GRIN2C: variants seen among roughly 807,000 people sequenced by gnomAD.
GRIN2C encodes the protein glutamate receptor ionotropic, NMDA 2C.
A neutral mutation model predicts 77.7 loss-of-function variants in GRIN2C; 64 were observed. That is an observed-to-expected ratio of 0.82 (90% CI 0.67 to 1.01). The LOEUF (loss-of-function observed/expected upper bound fraction) is 1.01. Among genes scored for constraint, GRIN2C ranks in the 50% least tolerant of loss-of-function variants. The probability of loss-of-function intolerance (pLI) is 0.00; values close to 1 mark genes in which losing one functional copy is unlikely to be tolerated. For synonymous variants in GRIN2C, 792 were observed against 643.4 expected (o/e 1.23, Z -3.49); for missense variants, 1,549 against 1,486.0 (o/e 1.04, Z -0.70).
rs948691051 is a variant in GRIN2C at position 74,847,196 on chromosome 17, C to T, written c.2001+112G>A. 1.1e-6 allele frequency: 1 copy of T among 889,686 alleles called. No individual in the cohort carries two copies. Among genetic ancestry groups the T allele is most frequent in the South Asian group, 1.6e-5 (1 of 63,510 alleles). 55.1% of individuals were successfully genotyped at this position (889,686 alleles called of 1,614,324 possible). The stretch of plus-strand genomic sequence containing the variant: ...CAGCAGGCCCTGAAGCTTCTTCCTG[C>T]CCCAGCCTCCAGGTCAAATTCCCCA... On this transcript the variant is annotated intron_variant, in intron 9 of 12. Coordinates refer to ENST00000293190, the MANE Select transcript of GRIN2C (RefSeq NM_000835.6). This position sits in a 1 kb window ranked among gnomAD's most constrained non-coding sequence, Gnocchi z 5.2.
chr17:74,861,107 C>A (rs887460272), upstream of GRIN2C, among the ~76,000 whole-genome samples: 1 of 152,192 alleles, frequency 6.6e-6, no homozygotes, highest in Admixed American at 6.5e-5. Context: ...CCGCGCCAAG[C>A]GAAGGAGGAG....
In GRIN2C at chr17:74,842,499, C is replaced by G; in HGVS notation, c.3638G>C (p.Gly1213Ala). The change falls in exon 13 of 13, where the codon GGG becomes GCG. Residue 1213 changes from glycine to alanine, a missense_variant. By Grantham distance (60) the Gly-to-Ala change is moderately conservative. Transcript: ENST00000293190. ...GLDEISRVAR[G>A]TQGFPGPCTW... ...GCAGGGTCCCGGGAAGCCTTGCGTC[C>G]CACGGGCTACCCTGCTGATCTCGTC... The G allele has an allele frequency of 1.3e-6, 1 of 779,182 alleles. No homozygotes were observed. Among genetic ancestry groups the G allele is most frequent in the Non-Finnish European group, 2.4e-6 (1 of 417,770 alleles). 48.3% of individuals were successfully genotyped at this position (779,182 alleles called of 1,614,324 possible). A position where few individuals can be genotyped will look rare whatever the true frequency, so the allele number is the denominator to read the frequency against.
intron 1 of GRIN2C, among the ~76,000 whole-genome samples, chr17:74,858,716 G>C (rs1458863024): frequency 6.7e-6 from 1 of 149,220 alleles, no homozygotes; most frequent in Non-Finnish European, 1.5e-5. Flanking sequence ...CACAAATGAA[G>C]TCCAGACAGC....
In GRIN2C at chr17:74,849,879, G is replaced by A. The variant is rs554530958; in HGVS notation, c.1546C>T (p.Arg516Cys). ...ACAGAGAAGTCTACGATCTCGGAGC[G>A]TTCCTCATTGATGGTGAGGGAGCCG... ...AIGSLTINEE[R>C]SEIVDFSVPF... Residue 516 changes from arginine to cysteine, a missense_variant, in exon 7 of 13, where the codon CGC (arginine) becomes TGC (cysteine). Around this residue, in one of 3 missense-constraint regions of GRIN2C, gnomAD observed 717 missense variants for 858.1 expected, o/e 0.84. Coordinates refer to ENST00000293190, the MANE Select transcript of GRIN2C (RefSeq NM_000835.6). This position sits in a 1 kb window ranked among gnomAD's most constrained non-coding sequence, Gnocchi z 4.6. The A allele has an allele frequency of 2.4e-5, 38 of 1,613,514 alleles. No homozygotes were observed. The highest frequency in any genetic ancestry group is 3.3e-5 in the Admixed American group (2 of 59,848).
Position 74,847,272 on chromosome 17 carries a change from G to GCCCCCCCCCCCCCCCCC in GRIN2C, c.2001+35_2001+36insGGGGGGGGGGGGGGGGG. ...CTCACGGCCTGTCCCCACCCTCAGTGCCCCCCCCCACCCCCAGCAGCTATG... is the reference window on the plus strand; with the variant it reads ...CTCACGGCCTGTCCCCACCCTCAGTGCCCCCCCCCCCCCCCCCCCCCCCCCCACCCCCAGCAGCTATG... On this transcript the variant is annotated intron_variant, in intron 9 of 12. Coordinates refer to ENST00000293190, the MANE Select transcript of GRIN2C (RefSeq NM_000835.6). The surrounding 1 kb of genome is among the most constrained non-coding windows in gnomAD (Gnocchi z 5.2). 1 of 692,326 alleles carries GCCCCCCCCCCCCCCCCC rather than the reference G, an allele frequency of 1.4e-6. No homozygotes were observed. Among genetic ancestry groups the GCCCCCCCCCCCCCCCCC allele is most frequent in the East Asian group, 3.1e-5 (1 of 32,196 alleles). The allele number at this position is 692,326 out of a possible 1,614,324, so 42.9% of individuals were successfully genotyped here. A position where few individuals can be genotyped will look rare whatever the true frequency, so the allele number is the denominator to read the frequency against.
At chr17:74,858,923 C>T (rs1037086981) in intron 1 of GRIN2C, among the ~76,000 whole-genome samples, 9 of 152,082 alleles carry the variant, frequency 5.9e-5, no homozygotes, top group Non-Finnish European at 7.4e-5. Context: ...CAGCTGAAAT[C>T]CCTCTCCCAC....
rs1306735274 is a variant in GRIN2C, at chr17:74,842,516, G to A, written c.3621C>T (p.Ile1207=). The A allele has an allele frequency of 3.9e-6, 3 of 779,190 alleles. No individual in the cohort carries two copies. Among genetic ancestry groups the A allele is most frequent in the Admixed American group, 3.4e-5 (2 of 58,964 alleles). The allele number at this position is 779,190 out of a possible 1,614,324, so 48.3% of individuals were successfully genotyped here. A position where few individuals can be genotyped will look rare whatever the true frequency, so the allele number is the denominator to read the frequency against. The change falls in exon 13 of 13, where the codon ATC becomes ATT. Residue 1207 remains isoleucine, a synonymous_variant. Transcript: ENST00000293190. ...GYRDSGGLDE[I]SRVARGTQGF... is the part of the protein sequence containing the mutation. ...CTTGCGTCCCACGGGCTACCCTGCT[G>A]ATCTCGTCCAGTCCCCCACTGTCTC...
Position 74,842,953 on chromosome 17 carries a change from G to C in GRIN2C, c.3184C>G (p.Arg1062Gly), listed in dbSNP as rs1317018665. Residue 1062 changes from arginine (R) to glycine (G), a missense_variant, in exon 13 of 13, where the codon CGG (arginine) becomes GGG (glycine). Arg to Gly is a moderately radical substitution (Grantham distance 125). Coordinates refer to ENST00000293190, the MANE Select transcript of GRIN2C (RefSeq NM_000835.6). Reference protein sequence around the residue: ...LPLLGPEQLARREALLHAAWA... With the variant: ...LPLLGPEQLAGREALLHAAWA... ...GCCGCGTGCAGCAGGGCCTCCCGCC[G>C]GGCCAGCTGCTCCGGACCGAGCAGC... The C allele has an allele frequency of 1.8e-6, 1 of 551,826 alleles. No homozygotes were observed. Among genetic ancestry groups the C allele is most frequent in the Non-Finnish European group, 3.2e-6 (1 of 314,832 alleles). 34.2% of individuals were successfully genotyped at this position (551,826 alleles called of 1,614,324 possible). A position where few individuals can be genotyped will look rare whatever the true frequency, so the allele number is the denominator to read the frequency against.
At chr17:74,857,653 G>A (rs533530196) in intron 1 of GRIN2C, among the ~76,000 whole-genome samples, 1 of 152,276 alleles carries the variant, frequency 6.6e-6, no homozygotes, top group East Asian at 1.9e-4. Flanking sequence ...GGTCCTAGAG[G>A]TTCCTTGCCC....
chr17:74,861,513 G>A (rs2037956160), upstream of GRIN2C: 1 of 151,414 alleles, frequency 6.6e-6, no homozygotes. Flanking sequence ...CGGCCCCGGA[G>A]GGCTGGCGCG....
chr17:74,859,883 TGCG>T (rs71157101), exon 1 of GRIN2C: 10,607 of 164,436 alleles, frequency 0.065, 381 homozygotes, highest in Non-Finnish European at 0.08. The surrounding 1 kb of genome is among the most constrained non-coding windows in gnomAD (Gnocchi z 5.9). Context: ...ACACTCGCGA[TGCG>T]GCGGCGGCGG....
At position 74,854,918 on chromosome 17, in the gene GRIN2C, G is replaced by A. The variant is rs549726783; in HGVS notation, c.175C>T (p.Pro59Ser). ...ACTGTGAGCGGCTGGATCTCCAGGG[G>A]TAGGTCCAGGAAGCTCTGGGGGGTG... The part of the protein sequence containing the change: ...RLTPQSFLDL[P>S]LEIQPLTVGV... The change falls in exon 2 of 13, where the codon CCC becomes TCC. Residue 59 changes from proline to serine, a missense_variant. Pro to Ser is a moderately conservative substitution (Grantham distance 74). Transcript: ENST00000293190. 3 of 1,613,646 alleles carry A rather than the reference G, an allele frequency of 1.9e-6. No homozygotes were observed. The highest frequency in any genetic ancestry group is 2.5e-6 in the Non-Finnish European group (3 of 1,179,838).
At chr17:74,851,958 G>C in intron 3 of GRIN2C, 55 bp downstream of exon 3, 3 of 1,352,152 alleles carry the variant, frequency 2.2e-6, no homozygotes, top group Non-Finnish European at 2.0e-6. Context: ...CTGCCAGCCA[G>C]CTCCCCCGAA....
chr17:74,851,995 C>T lies in GRIN2C; in HGVS notation c.998+18G>A. The stretch of plus-strand genomic sequence containing the variant: ...CGCTCCCCACCTCCCTACCCCTATG[C>T]CCCGGGCAGGTGCCCACCTGTAGAA... On this transcript the variant is annotated intron_variant, in intron 3 of 12. Coordinates refer to ENST00000293190, the MANE Select transcript of GRIN2C (RefSeq NM_000835.6). 1 of 1,462,446 alleles carries T rather than the reference C, an allele frequency of 6.8e-7. No individual in the cohort carries two copies. Among genetic ancestry groups the T allele is most frequent in the South Asian group, 1.5e-5 (1 of 67,944 alleles). The allele number at this position is 1,462,446 out of a possible 1,614,324, so 90.6% of individuals were successfully genotyped here.
Position 74,842,907 on chromosome 17 carries a change from G to A in GRIN2C, c.3230C>T (p.Pro1077Leu), listed in dbSNP as rs1598467991. Residue 1077 changes from proline to leucine, a missense_variant, in exon 13 of 13, where the codon CCG (proline) becomes CTG (leucine). Around this residue, in one of 3 missense-constraint regions of GRIN2C, gnomAD observed 450 missense variants for 267.9 expected, o/e 1.68. Coordinates refer to ENST00000293190, the MANE Select transcript of GRIN2C (RefSeq NM_000835.6). ...LHAAWARGSR[P>L]RHASLPSSVA... is the part of the protein sequence containing the mutation. Reference sequence around the variant, plus strand: ...GGAGCTGGGCAGGGAAGCGTGACGCGGGCGCGAGCCCCGGGCCCAGGCCGC... The same window carrying A: ...GGAGCTGGGCAGGGAAGCGTGACGCAGGCGCGAGCCCCGGGCCCAGGCCGC... 1 of 570,430 alleles carries A rather than the reference G, an allele frequency of 1.8e-6. No individual in the cohort carries two copies. Among genetic ancestry groups the A allele is most frequent in the Non-Finnish European group, 3.1e-6 (1 of 324,790 alleles). 35.3% of individuals were successfully genotyped at this position (570,430 alleles called of 1,614,324 possible).
In GRIN2C at chr17:74,852,255, C is replaced by T; in HGVS notation, c.756G>A (p.Trp252Ter). Residue 252 changes from tryptophan to a stop codon, truncating the protein, a stop_gained, in exon 3 of 13, where the codon TGG (tryptophan) becomes TGA (stop). Transcript: ENST00000293190. LOFTEE classifies it high-confidence loss of function. ...QAGLVGPGHV[W>*]LVPNLALGST... ...TGCCCAGCGCCAGGTTGGGCACCAG[C>T]CACACGTGGCCGGGCCCCACCAGAC... 2 of 1,399,616 alleles carry T rather than the reference C, an allele frequency of 1.4e-6. No homozygotes were observed. Among genetic ancestry groups the T allele is most frequent in the Non-Finnish European group, 1.8e-6 (2 of 1,081,720 alleles). 86.7% of individuals were successfully genotyped at this position (1,399,616 alleles called of 1,614,324 possible).
At chr17:74,851,932 G>A in intron 3 of GRIN2C, 81 bp downstream of exon 3, 1 of 1,110,134 alleles carries the variant, frequency 9.0e-7, no homozygotes, top group Non-Finnish European at 1.3e-6. Context: ...AGGTGTGGCT[G>A]GCCAGCCCAA....
Position 74,854,835 on chromosome 17 carries a change from A to C in GRIN2C, c.258T>G (p.Gly86=). 1 of 1,613,722 alleles carries C rather than the reference A, an allele frequency of 6.2e-7. No homozygotes were observed. Among genetic ancestry groups the C allele is most frequent in the African/African-American group, 1.3e-5 (1 of 75,040 alleles). The change falls in exon 2 of 13, where the codon GGT becomes GGG. Residue 86 remains glycine, a synonymous_variant. Coordinates refer to ENST00000293190, the MANE Select transcript of GRIN2C (RefSeq NM_000835.6). ...AGACAATGCCGTGGACGTGGGCAGC[A>C]CCCAGGAGGCCGCAGATCTGGGTGA... The part of the protein sequence containing the change: ...SLLTQICGLL[G]AAHVHGIVFE...
rs1231641275 is a variant in GRIN2C, at chr17:74,848,044, G to A, written c.1646-67C>T. 6.4e-6 allele frequency: 10 copies of A among 1,573,814 alleles called. No individual in the cohort carries two copies. The Admixed American group carries it at 1.7e-4, about 26-fold the overall frequency. ...CCTGCCCCAGGCCCAGAAGCACTGG[G>A]TGGAGACAGGTAGGTCCACGTGATC... On this transcript the variant is annotated intron_variant, in intron 7 of 12. Coordinates refer to ENST00000293190, the MANE Select transcript of GRIN2C (RefSeq NM_000835.6).
Sources: allele counts gnomAD v4.1 joint callset (sites outside exome capture counted in the v4.1 genomes callset), GRCh38; gene constraint gnomAD v4.1.1; regional missense constraint gnomAD v4.1.1; non-coding constraint Gnocchi (gnomAD v3.1); transcripts MANE v1.5; gene names NCBI Gene and HGNC (gene_info 2026-07-23, HGNC 2026-07-21).